ELOVL7: variants seen among roughly 807,000 people sequenced by gnomAD.
The protein encoded by ELOVL7 is ELOVL fatty acid elongase 7, also known as very long chain fatty acid elongase 7.
In ELOVL7, 27 loss-of-function variants were observed where a neutral mutation model predicts 35.7. That is an observed-to-expected ratio of 0.76 (90% CI 0.56 to 1.04). ELOVL7 has a LOEUF of 1.04. Among genes scored for constraint, ELOVL7 ranks in the 50% least tolerant of loss-of-function variants. ELOVL7 has a pLI of 0.00. For synonymous variants in ELOVL7, 113 were observed against 114.6 expected, an observed-to-expected ratio of 0.99 and a Z score of 0.09; for missense variants, 327 against 340.8, an observed-to-expected ratio of 0.96 and a Z score of 0.32.
chr5:60,835,127 T>C (rs1413237109), intron 1 of ELOVL7, among the ~76,000 whole-genome samples: 1 of 149,626 alleles, frequency 6.7e-6, no homozygotes, highest in Non-Finnish European at 1.5e-5. Context: ...GAGGTGGAGG[T>C]TGCAGCGAGC....
At chr5:60,766,932 T>C (rs1284159447) in intron 5 of ELOVL7, among the ~76,000 whole-genome samples, 2 of 152,224 alleles carry the variant, frequency 1.3e-5, no homozygotes, top group Admixed American at 6.5e-5. Context: ...AGGCACCTCA[T>C]ATAAGCCAAA....
At chr5:60,831,699 T>A (rs1319755816) in intron 1 of ELOVL7, among the ~76,000 whole-genome samples, 1 of 152,254 alleles carries the variant, frequency 6.6e-6, no homozygotes, top group Non-Finnish European at 1.5e-5. Flanking sequence ...CATAAAGCGA[T>A]TCAAGATCCT....
At chr5:60,840,554 T>C (rs2112416704) in intron 1 of ELOVL7, among the ~76,000 whole-genome samples, 1 of 152,330 alleles carries the variant, frequency 6.6e-6, no homozygotes, top group African/African-American at 2.4e-5. Flanking sequence ...TTGCTGTTTT[T>C]TCAAGCTACC....
chr5:60,808,208 A>C (rs947590220), intron 1 of ELOVL7, among the ~76,000 whole-genome samples: 2 of 151,942 alleles, frequency 1.3e-5, no homozygotes, highest in Non-Finnish European at 2.9e-5. Flanking sequence ...TAATAGAAAA[A>C]AAAAAGAAGG....
intron 1 of ELOVL7, among the ~76,000 whole-genome samples, chr5:60,819,659 G>A (rs1745773288): frequency 2.0e-5 from 3 of 152,230 alleles, no homozygotes; most frequent in African/African-American, 4.8e-5. Context: ...GCAGGCGGGC[G>A]CCTGTAATCC....
At chr5:60,760,298 C>A (rs1183330063) in intron 7 of ELOVL7, among the ~76,000 whole-genome samples, 3 of 152,202 alleles carry the variant, frequency 2.0e-5, no homozygotes, top group Non-Finnish European at 4.4e-5. Context: ...TCTCCAGCAC[C>A]TGTTGTTTCC....
chr5:60,763,256 T>G (rs1742032681), intron 7 of ELOVL7, among the ~76,000 whole-genome samples: 1 of 152,216 alleles, frequency 6.6e-6, no homozygotes, highest in Admixed American at 6.5e-5. Flanking sequence ...TCACAGCCCC[T>G]GTGGCTCCTC....
intron 3 of ELOVL7, among the ~76,000 whole-genome samples, chr5:60,781,212 G>GAA (rs34249182): frequency 6.0e-4 from 75 of 124,482 alleles, no homozygotes; most frequent in Admixed American, 1.1e-3. Flanking sequence ...CCCTGTCTCA[G>GAA]AAAAAAAAAA....
At chr5:60,767,765 A>G in intron 5 of ELOVL7, 58 bp downstream of exon 5, 1 of 1,299,442 alleles carries the variant, frequency 7.7e-7, no homozygotes, top group South Asian at 1.2e-5. Context: ...TGTTACAAAC[A>G]GTTCACAAAA....
chr5:60,790,367 T>C (rs543360732), intron 2 of ELOVL7, among the ~76,000 whole-genome samples: 68 of 152,276 alleles, frequency 4.5e-4, no homozygotes, highest in African/African-American at 1.5e-3. Flanking sequence ...ATTTTACCTA[T>C]CTAAAAATAA....
At chr5:60,780,506 A>G (rs1743182214) in intron 3 of ELOVL7, among the ~76,000 whole-genome samples, 1 of 151,984 alleles carries the variant, frequency 6.6e-6, no homozygotes. Context: ...TCACTTCCAC[A>G]TTTTCAGGTA....
chr5:60,762,473 G>A (rs971705466), intron 7 of ELOVL7, among the ~76,000 whole-genome samples: 1 of 151,932 alleles, frequency 6.6e-6, no homozygotes, highest in African/African-American at 2.4e-5. Context: ...TTCTTGAACT[G>A]TCAGATATTC....
intron 1 of ELOVL7, among the ~76,000 whole-genome samples, chr5:60,835,079 A>C (rs1260525715): frequency 6.6e-6 from 1 of 151,582 alleles, no homozygotes; most frequent in Non-Finnish European, 1.5e-5. Context: ...AGTCCCAGTT[A>C]CACGGGAGAC....
intron 1 of ELOVL7, among the ~76,000 whole-genome samples, chr5:60,833,543 T>C (rs1746611096): frequency 6.6e-6 from 1 of 152,126 alleles, no homozygotes; most frequent in Non-Finnish European, 1.5e-5. Flanking sequence ...TATCTAGGAT[T>C]ATCTCCCAAA....
At chr5:60,832,042 C>T (rs1746510456) in intron 1 of ELOVL7, among the ~76,000 whole-genome samples, 1 of 152,216 alleles carries the variant, frequency 6.6e-6, no homozygotes, top group Admixed American at 6.5e-5. Flanking sequence ...CTCTCCCAAA[C>T]CAGCACTTTT....
chr5:60,789,393 A>G (rs1406908186), intron 2 of ELOVL7, among the ~76,000 whole-genome samples: 1 of 152,196 alleles, frequency 6.6e-6, no homozygotes, highest in Non-Finnish European at 1.5e-5. Flanking sequence ...AATCTGCAAT[A>G]TTTTTTGTCT....
At chr5:60,813,268 C>G (rs1246452000) in intron 1 of ELOVL7, among the ~76,000 whole-genome samples, 1 of 152,170 alleles carries the variant, frequency 6.6e-6, no homozygotes, top group Non-Finnish European at 1.5e-5. Context: ...TGACTTTTCT[C>G]AAATGAAAAT....
intron 1 of ELOVL7, among the ~76,000 whole-genome samples, chr5:60,827,869 C>T (rs1746261062): frequency 6.6e-6 from 1 of 152,148 alleles, no homozygotes; most frequent in Non-Finnish European, 1.5e-5. Context: ...CAACCTTGGC[C>T]TCCCATCCTT....
chr5:60,755,938 A>G (rs1741515245), intron 8 of ELOVL7, among the ~76,000 whole-genome samples: 1 of 152,126 alleles, frequency 6.6e-6, no homozygotes, highest in African/African-American at 2.4e-5. Flanking sequence ...CATGGTTAAG[A>G]TTTTCATATA....
Sources: gnomAD v4.1 joint callset for allele counts (sites outside exome capture counted in the v4.1 genomes callset) on GRCh38, gnomAD v4.1.1 for gene constraint, MANE v1.5 for transcripts, NCBI Gene and HGNC (gene_info 2026-07-23, HGNC 2026-07-21) for gene names.